The following ERG28 variants were observed in gnomAD, a reference collection of about 807,000 sequenced individuals.
The protein encoded by ERG28 is ergosterol biosynthetic protein 28 homolog.
A neutral mutation model predicts 15.7 loss-of-function variants in ERG28; 9 were observed. The ratio of observed to expected loss-of-function variants is 0.57; its 90% confidence interval spans 0.35 to 1.00. The LOEUF is 1.00. ERG28 is among the 50% of genes least tolerant of loss of function. The pLI is 0.02. For synonymous variants in ERG28, 61 were observed against 68.4 expected, an observed-to-expected ratio of 0.89 and a Z score of 0.53; for missense variants, 117 against 173.3, an observed-to-expected ratio of 0.68 and a Z score of 1.82.
Position 75,651,410 on chromosome 14 carries a change from T to C in ERG28, c.*145A>G, listed in dbSNP as rs1890524203. The C allele has an allele frequency of 1.3e-6, 1 of 766,744 alleles. No individual in the cohort carries two copies. The highest frequency in any genetic ancestry group is 2.1e-6 in the Non-Finnish European group (1 of 480,128). The allele number at this position is 766,744 out of a possible 1,614,324, so 47.5% of individuals were successfully genotyped here. A position where few individuals can be genotyped will look rare whatever the true frequency, so the allele number is the denominator to read the frequency against. On this transcript the variant is annotated 3_prime_UTR_variant, in exon 5 of 5. Transcript: ENST00000256319. Reference sequence around the variant, plus strand: ...ATATACTTTTCAGTATGCATATCTTTAAATTTTAAAAATTAAAAAAAGAGG... The same window carrying C: ...ATATACTTTTCAGTATGCATATCTTCAAATTTTAAAAATTAAAAAAAGAGG...
intron 3 of ERG28, 90 bp from the exon 4 acceptor site, chr14:75,651,979 C>A: frequency 1.8e-6 from 2 of 1,131,820 alleles, no homozygotes; most frequent in South Asian, 1.4e-5. Flanking sequence ...CAAATAAGAA[C>A]CCAGGATGTC....
intron 2 of ERG28, among the ~76,000 whole-genome samples, chr14:75,655,366 C>G (rs1404900882): frequency 1.3e-5 from 2 of 152,204 alleles, no homozygotes; most frequent in African/African-American, 2.4e-5. Context: ...AGGAGGCCAG[C>G]AGACTTTCAA....
In ERG28 at chr14:75,650,397, A is replaced by C. The variant is rs1175199399; in HGVS notation, c.*1158T>G. On this transcript the variant is annotated 3_prime_UTR_variant, in exon 5 of 5. Transcript: ENST00000256319. ...CATTTCTCTTTCCCAAGTGTCCGGC[A>C]TGGAGAAGTACTCAACAAATATTTG... 1 of 152,264 alleles carries C rather than the reference A, an allele frequency of 6.6e-6. No individual in the cohort carries two copies. Among genetic ancestry groups the C allele is most frequent in the South Asian group, 2.1e-4 (1 of 4,834 alleles). The allele number at this position is 152,264 out of a possible 1,614,324, so 9.4% of individuals were successfully genotyped here. A position where few individuals can be genotyped will look rare whatever the true frequency, so the allele number is the denominator to read the frequency against.
At position 75,654,892 on chromosome 14, in the gene ERG28, T is replaced by C; in HGVS notation, c.218A>G (p.Asn73Ser). 6.2e-7 allele frequency: 1 copy of C among 1,612,412 alleles called. No homozygotes were observed. Among genetic ancestry groups the C allele is most frequent in the Non-Finnish European group, 8.5e-7 (1 of 1,178,382 alleles). The stretch of plus-strand genomic sequence containing the variant: ...TCTTCCTTCCCTTACATACGTCTTG[T>C]TGTGAATGTCAATGGCACAGAGGCA... ...IRCLCAIDIH[N>S]KTLYHITLWT... Residue 73 changes from asparagine (N) to serine (S), a missense_variant, in exon 3 of 5, where the codon AAC becomes AGC. By Grantham distance (46) the Asn-to-Ser change is conservative. Transcript: ENST00000256319.
Position 75,651,854 on chromosome 14 carries a change from G to A in ERG28, c.260C>T (p.Ala87Val). ...YHITLWTFLL[A>V]LGHFLSELFV... ...CAACTCAGAGAGGAAATGCCCCAGG[G>A]CAAGGAGGAAGGTCCAGAGTGTGAT... Residue 87 changes from alanine (A) to valine (V), a missense_variant, in exon 4 of 5, where the codon GCC (alanine) becomes GTC (valine). By Grantham distance (64) the Ala-to-Val change is moderately conservative (BLOSUM62 0). Coordinates refer to ENST00000256319, the MANE Select transcript of ERG28 (RefSeq NM_007176.4). The A allele has an allele frequency of 6.2e-7, 1 of 1,613,988 alleles. No individual in the cohort carries two copies. The highest frequency in any genetic ancestry group is 1.1e-5 in the South Asian group (1 of 91,082).
In ERG28 at chr14:75,651,893, T is replaced by G. The variant is rs748472715; in HGVS notation, c.225-4A>C. ...CCAGAGTGTGATGTGATAGAGCCTA[T>G]AAGGAAGCAGACAGAAATGGGAACC... On this transcript the variant is annotated splice_polypyrimidine_tract_variant and splice_region_variant and intron_variant, in intron 3 of 4. Coordinates refer to ENST00000256319, the MANE Select transcript of ERG28 (RefSeq NM_007176.4). 12 of 1,596,350 alleles carry G rather than the reference T, an allele frequency of 7.5e-6. No homozygotes were observed. Among genetic ancestry groups the G allele is most frequent in the Non-Finnish European group, 1.0e-5 (12 of 1,163,958 alleles).
chr14:75,656,606 A>G (rs1282994074), intron 2 of ERG28, among the ~76,000 whole-genome samples: 1 of 152,258 alleles, frequency 6.6e-6, no homozygotes. Flanking sequence ...GAGCTAGGTC[A>G]GAGCCTGAAT....
rs1486452383 is a variant in ERG28 at position 75,651,123 on chromosome 14, C to T, written c.*432G>A. On this transcript the variant is annotated 3_prime_UTR_variant, in exon 5 of 5. Transcript: ENST00000256319. The stretch of plus-strand genomic sequence containing the variant: ...GAGGAGCCCAACCTGCGTGGACAAC[C>T]CCTTGAGGCAGCCCTTGGTCACAGC... 4.3e-5 allele frequency: 7 copies of T among 161,264 alleles called. No individual in the cohort carries two copies. Among genetic ancestry groups the T allele is most frequent in the South Asian group, 1.6e-4 (1 of 6,200 alleles). The allele number at this position is 161,264 out of a possible 1,614,324, so 10.0% of individuals were successfully genotyped here.
chr14:75,651,741 G>T (rs762536634), intron 4 of ERG28, 30 bp downstream of exon 4: 1 of 1,597,340 alleles, frequency 6.3e-7, no homozygotes, highest in South Asian at 1.1e-5. Context: ...CACAGCTCCT[G>T]TAGGAGGTCT....
At position 75,651,905 on chromosome 14, in the gene ERG28, C is replaced by T; in HGVS notation, c.225-16G>A. On this transcript the variant is annotated splice_polypyrimidine_tract_variant and intron_variant, in intron 3 of 4. Coordinates refer to ENST00000256319, the MANE Select transcript of ERG28 (RefSeq NM_007176.4). Reference sequence around the variant, plus strand: ...GTGATAGAGCCTATAAGGAAGCAGACAGAAATGGGAACCAAAGTTACTGTT... The same window carrying T: ...GTGATAGAGCCTATAAGGAAGCAGATAGAAATGGGAACCAAAGTTACTGTT... 1 of 1,580,122 alleles carries T rather than the reference C, an allele frequency of 6.3e-7. No homozygotes were observed. The highest frequency in any genetic ancestry group is 1.3e-5 in the African/African-American group (1 of 74,234).
Position 75,653,404 on chromosome 14 carries a change from C to T in ERG28, c.224+1482G>A, listed in dbSNP as rs146372314. Reference sequence around the variant, plus strand: ...GGATCACGAGGTCAGGAGTTCGAGACCAGCCTGGCCAACATGGTGAGAACC... The same window carrying T: ...GGATCACGAGGTCAGGAGTTCGAGATCAGCCTGGCCAACATGGTGAGAACC... On this transcript the variant is annotated intron_variant, in intron 3 of 4. Transcript: ENST00000256319. Among the ~76,000 whole-genome samples, 13 of 151,700 alleles carry T rather than the reference C, an allele frequency of 8.6e-5. No individual in the cohort carries two copies. The East Asian group carries it at 2.6e-3, about 30-fold the overall frequency.
At chr14:75,658,736 C>T (rs1329706861) in intron 1 of ERG28, among the ~76,000 whole-genome samples, 1 of 152,128 alleles carries the variant, frequency 6.6e-6, no homozygotes, top group Non-Finnish European at 1.5e-5. Flanking sequence ...CACAGCTCCT[C>T]CTGTAACCTG....
chr14:75,657,412 T>C lies in ERG28; in HGVS notation c.91A>G (p.Thr31Ala), dbSNP rs1426825847. The C allele has an allele frequency of 6.2e-7, 1 of 1,613,126 alleles. No homozygotes were observed. Among genetic ancestry groups the C allele is most frequent in the Non-Finnish European group, 8.5e-7 (1 of 1,179,700 alleles). ...GNTLQSFRDH[T>A]FLYEKLYTGK... ...GTGTAGAGCTTTTCATAGAGAAAAG[T>C]GTGGTCTCGGAAGCTCTGCAGCGTG... The change falls in exon 2 of 5, where the codon ACT becomes GCT. Residue 31 changes from threonine (T) to alanine (A), a missense_variant. Physicochemically the swap from Thr to Ala is moderately conservative, Grantham distance 58. Transcript: ENST00000256319.
chr14:75,652,061 C>G (rs1233065171), intron 3 of ERG28, among the ~76,000 whole-genome samples, 172 bp from the exon 4 acceptor site: 2 of 152,206 alleles, frequency 1.3e-5, no homozygotes, highest in East Asian at 3.8e-4. Context: ...ATATTCTCAT[C>G]TAGGGCAAAA....
chr14:75,659,385 TC>T (rs1185065617), intron 1 of ERG28, among the ~76,000 whole-genome samples: 2 of 152,070 alleles, frequency 1.3e-5, no homozygotes, highest in Non-Finnish European at 2.9e-5. Flanking sequence ...TGAGACAGGG[TC>T]TTGCTCTGTC....
At chr14:75,656,118 T>C (rs1300974293) in intron 2 of ERG28, among the ~76,000 whole-genome samples, 1 of 152,104 alleles carries the variant, frequency 6.6e-6, no homozygotes. Flanking sequence ...ATGAGAAGAC[T>C]AAGGACGTTT....
intron 3 of ERG28, among the ~76,000 whole-genome samples, chr14:75,654,318 C>T (rs890189988): frequency 6.6e-6 from 1 of 152,196 alleles, no homozygotes; most frequent in Non-Finnish European, 1.5e-5. Context: ...AAGCTCGAGC[C>T]CCCTCTAGTG....
chr14:75,657,060 A>C (rs1890608823), intron 2 of ERG28, among the ~76,000 whole-genome samples: 1 of 148,136 alleles, frequency 6.8e-6, no homozygotes, highest in African/African-American at 2.5e-5. Context: ...TGCCCAGGGC[A>C]GTGTAAAATC....
At position 75,660,798 on chromosome 14, in the gene ERG28, G is replaced by C. The variant is rs1409797171; in HGVS notation, c.-55C>G. 6.5e-6 allele frequency: 1 copy of C among 152,912 alleles called. No homozygotes were observed. The highest frequency in any genetic ancestry group is 1.5e-5 in the Non-Finnish European group (1 of 68,738). The allele number at this position is 152,912 out of a possible 1,614,324, so 9.5% of individuals were successfully genotyped here. ...ACCTGGCGACCGGGCCCCCAGCACAGCAGTGGCAGCAGCAGCCGCTGCCGC... is the reference window on the plus strand; with the variant it reads ...ACCTGGCGACCGGGCCCCCAGCACACCAGTGGCAGCAGCAGCCGCTGCCGC... On this transcript the variant is annotated 5_prime_UTR_variant, in exon 1 of 5. Coordinates refer to ENST00000256319, the MANE Select transcript of ERG28 (RefSeq NM_007176.4).
Sources: gnomAD v4.1 joint callset for allele counts (sites outside exome capture counted in the v4.1 genomes callset) on GRCh38, gnomAD v4.1.1 for gene constraint, MANE v1.5 for transcripts, NCBI Gene and HGNC (gene_info 2026-07-23, HGNC 2026-07-21) for gene names.